The following DACH2 variants were observed in gnomAD, a reference collection of about 807,000 sequenced individuals.
DACH2 encodes the protein dachshund homolog 2.
A neutral mutation model predicts 35.8 loss-of-function variants in DACH2; 17 were observed. The observed-to-expected ratio is 0.48, with a 90% CI of 0.33 to 0.71. The LOEUF (loss-of-function observed/expected upper bound fraction) is 0.71, where lower values mean the gene tolerates loss of function less well. Among genes scored for constraint, DACH2 ranks in the 30% least tolerant of loss-of-function variants. The probability of loss-of-function intolerance (pLI) is 0.02; values close to 1 mark genes in which losing one functional copy is unlikely to be tolerated. For synonymous variants in DACH2, 195 were observed against 177.3 expected (o/e 1.10, Z -0.79); for missense variants, 469 against 472.7 (o/e 0.99, Z 0.07).
At position 86,631,414 on chromosome X, in the gene DACH2, T is replaced by C. The variant is rs759792228; in HGVS notation, c.641-19622T>C. Reference sequence around the variant, plus strand: ...CATTAACATTTCATACCACCAGCTGTTTTATTAATAACATTTTGATACATC... The same window carrying C: ...CATTAACATTTCATACCACCAGCTGCTTTATTAATAACATTTTGATACATC... On this transcript the variant is annotated intron_variant, in intron 3 of 11. Coordinates refer to ENST00000373125, the MANE Select transcript of DACH2 (RefSeq NM_053281.3). Among the ~76,000 whole-genome samples, 3 of 112,133 alleles carry C rather than the reference T, an allele frequency of 2.7e-5. No homozygotes were observed. The South Asian group carries it at 1.1e-3, about 41-fold the overall frequency.
intron 2 of DACH2, among the ~76,000 whole-genome samples, chrX:86,379,532 A>G (rs2036016430): frequency 9.0e-6 from 1 of 110,610 alleles, no homozygotes; most frequent in Non-Finnish European, 1.9e-5. Context: ...GAAAGAAAAC[A>G]CCCCACTGTT....
chrX:86,634,265 A>G (rs2040236402), intron 3 of DACH2, among the ~76,000 whole-genome samples: 2 of 111,437 alleles, frequency 1.8e-5, no homozygotes, highest in Admixed American at 1.9e-4. Context: ...TTGGGCGGGG[A>G]GACAAATCGA....
intron 4 of DACH2, among the ~76,000 whole-genome samples, chrX:86,685,701 G>A (rs1251978099): frequency 1.8e-5 from 2 of 111,105 alleles, no homozygotes; most frequent in Non-Finnish European, 3.8e-5. Flanking sequence ...CATGGTGGAA[G>A]GCAAAGGGGG....
At chrX:86,328,614 G>A (rs985369025) in intron 1 of DACH2, among the ~76,000 whole-genome samples, 1 of 111,646 alleles carries the variant, frequency 9.0e-6, no homozygotes, top group African/African-American at 3.2e-5. Context: ...AAAGAAAAAT[G>A]ACCTTTGATT....
At chrX:86,544,197 G>A (rs2038927159) in intron 3 of DACH2, among the ~76,000 whole-genome samples, 1 of 111,198 alleles carries the variant, frequency 9.0e-6, no homozygotes, top group Non-Finnish European at 1.9e-5. Context: ...GACAGGGAGA[G>A]AAAGCAACTG....
At chrX:86,362,834 A>G (rs2035757019) in intron 1 of DACH2, among the ~76,000 whole-genome samples, 1 of 111,072 alleles carries the variant, frequency 9.0e-6, no homozygotes, top group Non-Finnish European at 1.9e-5. Flanking sequence ...TACCGGTACC[A>G]TATTCTAGTT....
At chrX:86,627,204 T>G (rs1251980533) in intron 3 of DACH2, among the ~76,000 whole-genome samples, 1 of 111,802 alleles carries the variant, frequency 8.9e-6, no homozygotes, top group Non-Finnish European at 1.9e-5. Context: ...CTAAATCATC[T>G]ATTTCAACTT....
chrX:86,695,666 C>T (rs764429373), intron 5 of DACH2, among the ~76,000 whole-genome samples: 6 of 109,977 alleles, frequency 5.5e-5, no homozygotes, highest in South Asian at 8.0e-4. Context: ...TCTGCCACCA[C>T]GTCCAGCTAA....
intron 6 of DACH2, among the ~76,000 whole-genome samples, chrX:86,730,296 G>T (rs183558607): frequency 9.0e-6 from 1 of 111,700 alleles, no homozygotes; most frequent in East Asian, 2.8e-4. Context: ...TCTAAACAAA[G>T]GTCCTAGGAG....
At chrX:86,269,661 C>T (rs889353949) in intron 1 of DACH2, among the ~76,000 whole-genome samples, 6 of 111,178 alleles carry the variant, frequency 5.4e-5, no homozygotes, top group Non-Finnish European at 1.1e-4. Context: ...AAGAGATATA[C>T]AGAACTCAAC....
intron 7 of DACH2, among the ~76,000 whole-genome samples, chrX:86,787,863 T>C (rs746985697): frequency 3.6e-4 from 40 of 111,381 alleles, no homozygotes; most frequent in African/African-American, 1.2e-3. Flanking sequence ...AGAGGAGATA[T>C]CAAAGCAAGT....
intron 4 of DACH2, among the ~76,000 whole-genome samples, chrX:86,682,941 T>C (rs759970767): frequency 8.4e-4 from 94 of 111,596 alleles, no homozygotes; most frequent in Non-Finnish European, 1.4e-3. Context: ...TTAACAAACA[T>C]GTTTCTTTCT....
chrX:86,803,865 G>C (rs1261387188), intron 7 of DACH2, among the ~76,000 whole-genome samples: 1 of 111,438 alleles, frequency 9.0e-6, no homozygotes, highest in Non-Finnish European at 1.9e-5. Context: ...GCAGGTTGCA[G>C]TGTTAAATGG....
intron 3 of DACH2, among the ~76,000 whole-genome samples, chrX:86,596,128 A>G (rs1294921053): frequency 8.9e-6 from 1 of 112,182 alleles, no homozygotes; most frequent in African/African-American, 3.2e-5. Context: ...ATTCCGTTAT[A>G]CAGATATATT....
At chrX:86,665,343 TCTGA>T (rs1353184292) in intron 4 of DACH2, among the ~76,000 whole-genome samples, 5 of 112,005 alleles carry the variant, frequency 4.5e-5, no homozygotes, top group Non-Finnish European at 9.4e-5. Flanking sequence ...AAGCCAGTAT[TCTGA>T]CTATTATCAT....
chrX:86,764,968 T>A (rs1382138086), intron 7 of DACH2, among the ~76,000 whole-genome samples: 1 of 106,491 alleles, frequency 9.4e-6, no homozygotes, highest in African/African-American at 3.4e-5. Flanking sequence ...TTTGCATTTT[T>A]CCTCATGATA....
At chrX:86,358,651 A>G (rs901740652) in intron 1 of DACH2, among the ~76,000 whole-genome samples, 2 of 111,455 alleles carry the variant, frequency 1.8e-5, no homozygotes, top group African/African-American at 3.3e-5. Flanking sequence ...CAAGATGGCA[A>G]GGTTAGGTAG....
chrX:86,190,220 G>A (rs1456293761), intron 1 of DACH2, among the ~76,000 whole-genome samples: 2 of 110,088 alleles, frequency 1.8e-5, no homozygotes, highest in East Asian at 2.8e-4. Context: ...TATGTAAACT[G>A]TAATACTAAA....
chrX:86,292,572 A>T, intron 1 of DACH2, among the ~76,000 whole-genome samples: 1 of 110,719 alleles, frequency 9.0e-6, no homozygotes, highest in East Asian at 2.8e-4. Flanking sequence ...TAGTGCTATA[A>T]ATTTCCCTCT....
Sources: allele counts gnomAD v4.1 joint callset (sites outside exome capture counted in the v4.1 genomes callset), GRCh38; gene constraint gnomAD v4.1.1; transcripts MANE v1.5; gene names NCBI Gene and HGNC (gene_info 2026-07-23, HGNC 2026-07-21).